Variants in KDM4C observed in about 807,000 individuals in gnomAD.
The protein encoded by KDM4C is lysine-specific demethylase 4C.
Under a neutral mutation model 129.3 loss-of-function variants are expected in KDM4C, and 81 were observed. The ratio of observed to expected loss-of-function variants is 0.63; its 90% confidence interval spans 0.52 to 0.75. KDM4C has a LOEUF of 0.75. Among genes scored for constraint, KDM4C ranks in the 30% least tolerant of loss-of-function variants. The probability of loss-of-function intolerance (pLI) is 0.00; values close to 1 mark genes in which losing one functional copy is unlikely to be tolerated. For missense variants in KDM4C, 1,457 were observed against 1,304.0 expected, an observed-to-expected ratio of 1.12 and a Z score of -1.81; for synonymous variants, 573 against 456.1, an observed-to-expected ratio of 1.26 and a Z score of -3.26.
chr9:6,949,323 G>C (rs1223384438), intron 8 of KDM4C, among the ~76,000 whole-genome samples: 2 of 151,674 alleles, frequency 1.3e-5, no homozygotes, highest in Admixed American at 6.6e-5. Flanking sequence ...TCATTTCCTA[G>C]ACGGGATGGC....
chr9:7,034,290 A>C (rs1335269075), intron 15 of KDM4C, among the ~76,000 whole-genome samples: 2 of 152,236 alleles, frequency 1.3e-5, no homozygotes, highest in Non-Finnish European at 2.9e-5. Context: ...TATAGACCAC[A>C]GAAATATAGA....
chr9:6,814,478 A>C (rs990866166), intron 3 of KDM4C, among the ~76,000 whole-genome samples, 153 bp from the exon 4 acceptor site: 1 of 152,170 alleles, frequency 6.6e-6, no homozygotes, highest in Non-Finnish European at 1.5e-5. Context: ...AGCTATGTAA[A>C]TCAGTTTGTA....
At chr9:6,814,592 C>T (rs754034156) in intron 3 of KDM4C, 39 bp from the exon 4 acceptor site, 2 of 1,299,488 alleles carry the variant, frequency 1.5e-6, no homozygotes, top group Non-Finnish European at 2.2e-6. Context: ...CTAAAACTGA[C>T]TTACTGGTTT....
At chr9:6,948,489 A>AT (rs146059076) in intron 8 of KDM4C, among the ~76,000 whole-genome samples, 30,029 of 127,176 alleles carry the variant, frequency 0.24, 3,618 homozygotes, top group South Asian at 0.43. Flanking sequence ...TGCTGTTTGC[A>AT]TTTTTTTTTT....
Position 6,990,669 on chromosome 9 carries a change from CAGGTAAAAGGAATTTGGAACTTAG to C in KDM4C, c.1786+153_1786+176del, listed in dbSNP as rs2131915254. ...GAGATCATACATAATAAATAATTTA[CAGGTAAAAGGAATTTGGAACTTAG>C]AGGTAAAGACGTACTTCATATAAGC... is the stretch of plus-strand genomic sequence containing the variant. On this transcript the variant is annotated intron_variant, in intron 12 of 21. Coordinates refer to ENST00000381309, the MANE Select transcript of KDM4C (RefSeq NM_015061.6). 3 of 596,174 alleles carry C rather than the reference CAGGTAAAAGGAATTTGGAACTTAG, an allele frequency of 5.0e-6. No individual in the cohort carries two copies. In the South Asian group the frequency reaches 6.5e-5, roughly 13 times the overall value. 36.9% of individuals were successfully genotyped at this position (596,174 alleles called of 1,614,324 possible).
At chr9:6,995,792 C>G (rs1043676916) in intron 12 of KDM4C, among the ~76,000 whole-genome samples, 1 of 152,122 alleles carries the variant, frequency 6.6e-6, no homozygotes, top group Non-Finnish European at 1.5e-5. Context: ...CTACCTCAGC[C>G]TCCCAAGTAG....
Position 7,015,858 on chromosome 9 carries a change from T to G in KDM4C, c.2188T>G (p.Tyr730Asp). Residue 730 changes from tyrosine to aspartate, a missense_variant, in exon 15 of 22, where the codon TAT (tyrosine) becomes GAT (aspartate). Physicochemically the swap from Tyr to Asp is radical, Grantham distance 160 (BLOSUM62 -3). Transcript: ENST00000381309. The part of the protein sequence containing the change: ...KCCVRVHASC[Y>D]GIPSHEICDG... ...TACATACTATTATTTTATAGGTTGT[T>G]ATGGTATTCCTTCTCATGAGATCTG... The G allele has an allele frequency of 1.2e-6, 2 of 1,609,692 alleles. No homozygotes were observed. Among genetic ancestry groups the G allele is most frequent in the Non-Finnish European group, 1.7e-6 (2 of 1,176,174 alleles).
intron 4 of KDM4C, among the ~76,000 whole-genome samples, chr9:6,830,316 A>G (rs1449836965): frequency 6.6e-6 from 1 of 152,116 alleles, no homozygotes; most frequent in Non-Finnish European, 1.5e-5. Flanking sequence ...TAATTCATTC[A>G]CTTGCCCAAG....
At chr9:7,058,800 G>A (rs1013080443) in intron 17 of KDM4C, among the ~76,000 whole-genome samples, 20 of 152,060 alleles carry the variant, frequency 1.3e-4, no homozygotes, top group African/African-American at 4.3e-4. Flanking sequence ...ATGGCCTTGA[G>A]GTAAAACATT....
intron 5 of KDM4C, among the ~76,000 whole-genome samples, chr9:6,869,863 TTAAG>T (rs1415666977): frequency 6.6e-6 from 1 of 152,228 alleles, no homozygotes; most frequent in African/African-American, 2.4e-5. Context: ...GAACTGAAAA[TTAAG>T]TATGCAATGT....
At chr9:7,132,031 C>G (rs1840697615) in intron 19 of KDM4C, among the ~76,000 whole-genome samples, 1 of 152,234 alleles carries the variant, frequency 6.6e-6, no homozygotes, top group East Asian at 1.9e-4. Context: ...GTAGTGTGAC[C>G]CCAATGTTAC....
At chr9:7,109,723 A>G (rs1838103115) in intron 18 of KDM4C, among the ~76,000 whole-genome samples, 1 of 151,996 alleles carries the variant, frequency 6.6e-6, no homozygotes, top group Non-Finnish European at 1.5e-5. Flanking sequence ...GTTGACCAAA[A>G]TTTTCTTCTT....
At chr9:6,944,251 C>CT (rs1826467811) in intron 8 of KDM4C, among the ~76,000 whole-genome samples, 1 of 152,100 alleles carries the variant, frequency 6.6e-6, no homozygotes, top group Admixed American at 6.5e-5. Flanking sequence ...TTCAGAAGGC[C>CT]TAGGCAGTGC....
intron 8 of KDM4C, among the ~76,000 whole-genome samples, chr9:6,952,017 A>T (rs1160792720): frequency 6.6e-6 from 1 of 152,188 alleles, no homozygotes; most frequent in Admixed American, 6.5e-5. Flanking sequence ...TATTTAAAAA[A>T]TATAATAACC....
chr9:7,158,055 G>C (rs762363872), intron 19 of KDM4C, among the ~76,000 whole-genome samples: 8 of 152,156 alleles, frequency 5.3e-5, no homozygotes, highest in South Asian at 2.1e-4. Context: ...TCTATTCAGT[G>C]ATTTAACTTC....
chr9:6,943,209 T>C (rs534362442), intron 8 of KDM4C, among the ~76,000 whole-genome samples: 6 of 152,294 alleles, frequency 3.9e-5, no homozygotes, highest in Admixed American at 3.9e-4. Flanking sequence ...TTCTTTTTTT[T>C]CTTACCTCTG....
At position 7,085,235 on chromosome 9, in the gene KDM4C, AG is replaced by A. The variant is rs1834976323; in HGVS notation, c.2425-18447del. Reference sequence around the variant, plus strand: ...GGCTTTGAAGGGGCATATTTGGCTCAGGGCCATTGTTGTGTGGCAGTGAGTA... The same window carrying A: ...GGCTTTGAAGGGGCATATTTGGCTCAGGCCATTGTTGTGTGGCAGTGAGTA... On this transcript the variant is annotated intron_variant, in intron 17 of 21. Coordinates refer to ENST00000381309, the MANE Select transcript of KDM4C (RefSeq NM_015061.6). Among the ~76,000 whole-genome samples the A allele has an allele frequency of 2.0e-5, 3 of 152,368 alleles. No homozygotes were observed. In the South Asian group the frequency reaches 6.2e-4, roughly 32 times the overall value.
At chr9:6,762,680 T>C (rs1166590841) in intron 1 of KDM4C, among the ~76,000 whole-genome samples, 1 of 149,592 alleles carries the variant, frequency 6.7e-6, no homozygotes, top group African/African-American at 2.4e-5. Context: ...TTTTTTAAGA[T>C]GGAGTCTCGC....
intron 1 of KDM4C, among the ~76,000 whole-genome samples, chr9:6,782,034 C>A (rs138646447): frequency 0.097 from 14,794 of 151,874 alleles, 841 homozygotes; most frequent in Non-Finnish European, 0.11. Context: ...CATGTTGGCC[C>A]GGCTGGTCTC....
Sources: allele counts gnomAD v4.1 joint callset (sites outside exome capture counted in the v4.1 genomes callset), GRCh38; gene constraint gnomAD v4.1.1; transcripts MANE v1.5; gene names NCBI Gene and HGNC (gene_info 2026-07-23, HGNC 2026-07-21).